SECISBP2: variants seen among roughly 807,000 people sequenced by gnomAD.
SECISBP2 encodes the protein selenocysteine insertion sequence-binding protein 2.
SECISBP2 carries 96 observed loss-of-function variants against 98.2 expected under a neutral mutation model. The ratio of observed to expected loss-of-function variants is 0.98; its 90% CI spans 0.83 to 1.16. The LOEUF (loss-of-function observed/expected upper bound fraction) is 1.16, where lower values mean the gene tolerates loss of function less well. Ranked by LOEUF, SECISBP2 falls within the 50% of genes most tolerant of loss-of-function variation. The pLI, the probability that SECISBP2 is intolerant of heterozygous loss-of-function variation, is 0.00. For synonymous variants in SECISBP2, 407 were observed against 370.2 expected (o/e 1.10, Z -1.14); for missense variants, 1,046 against 1,022.9 (o/e 1.02, Z -0.31).
intron 5 of SECISBP2, among the ~76,000 whole-genome samples, chr9:89,330,814 G>A (rs773568172): frequency 8.5e-5 from 13 of 152,244 alleles, no homozygotes; most frequent in Non-Finnish European, 1.9e-4. Context: ...GTGCCCTGCA[G>A]AAGTAGTCCA....
At position 89,325,473 on chromosome 9, in the gene SECISBP2, C is replaced by T. The variant is rs1203320251; in HGVS notation, c.229C>T (p.Pro77Ser). 2 of 1,613,692 alleles carry T rather than the reference C, an allele frequency of 1.2e-6. No individual in the cohort carries two copies. Among genetic ancestry groups the T allele is most frequent in the Admixed American group, 3.3e-5 (2 of 60,016 alleles). ...CATGGCCTTTGGAGCTTCAACTTTT[C>T]CACCTCAGTATTTATCTTCTGAGAT... ...EDMAFGASTF[P>S]PQYLSSEITL... is the part of the protein sequence containing the mutation. Residue 77 changes from proline (P) to serine (S), a missense_variant, in exon 3 of 17, where the codon CCA (proline) becomes TCA (serine). Coordinates refer to ENST00000375807, the MANE Select transcript of SECISBP2 (RefSeq NM_024077.5).
chr9:89,342,809 G>C (rs1296016963), intron 10 of SECISBP2, among the ~76,000 whole-genome samples: 1 of 152,148 alleles, frequency 6.6e-6, no homozygotes, highest in Non-Finnish European at 1.5e-5. Context: ...GTATTCATTG[G>C]AGCATTAAAA....
intron 2 of SECISBP2, chr9:89,322,940 A>G (rs1375490981): frequency 6.6e-6 from 1 of 152,180 alleles, no homozygotes; most frequent in Non-Finnish European, 1.5e-5. Context: ...GGTCATTGTA[A>G]TCACTCCTAA....
chr9:89,319,127 CA>C, intron 1 of SECISBP2: 1 of 856,824 alleles, frequency 1.2e-6, no homozygotes, highest in Non-Finnish European at 1.4e-6. Context: ...ATTGAAATTT[CA>C]AAGGCTCGTG....
At chr9:89,362,216 G>A, downstream of SECISBP2, 1 of 941,332 alleles carries the variant, frequency 1.1e-6, no homozygotes, top group Non-Finnish European at 1.6e-6. Flanking sequence ...GCCCACTTGG[G>A]TTCCAGGCTT....
chr9:89,333,941 T>TAAAA, intron 6 of SECISBP2: 3 of 819,734 alleles, frequency 3.7e-6, no homozygotes, highest in Admixed American at 5.5e-5. Flanking sequence ...ACAGTCTGTT[T>TAAAA]TACCCTTGGG....
chr9:89,327,096 A>T (rs948778263), intron 4 of SECISBP2, among the ~76,000 whole-genome samples: 1 of 151,660 alleles, frequency 6.6e-6, no homozygotes, highest in Non-Finnish European at 1.5e-5. Context: ...CGGGAGGCGG[A>T]GCTTGCAGTG....
chr9:89,332,423 A>G (rs1051509900), intron 5 of SECISBP2, among the ~76,000 whole-genome samples: 1 of 152,232 alleles, frequency 6.6e-6, no homozygotes, highest in Admixed American at 6.5e-5. Context: ...CCATAGTAGT[A>G]TGGTACAGAG....
At chr9:89,363,220 CA>C (rs1312757503), downstream of SECISBP2, among the ~76,000 whole-genome samples, 1 of 152,222 alleles carries the variant, frequency 6.6e-6, no homozygotes, top group East Asian at 1.9e-4. Context: ...GGGCTGGGGC[CA>C]GATGCCCCTT....
chr9:89,358,794 A>T lies in SECISBP2; in HGVS notation c.2535A>T (p.Ser845=), dbSNP rs746217543. 3.7e-6 allele frequency: 6 copies of T among 1,613,098 alleles called. No homozygotes were observed. Among genetic ancestry groups the T allele is most frequent in the Non-Finnish European group, 5.1e-6 (6 of 1,179,146 alleles). The change falls in exon 17 of 17, where the codon TCA becomes TCT. Residue 845 remains serine, a synonymous_variant. Transcript: ENST00000375807. ...AGCTAGAAGAATCCTTGGAGGCTTC[A>T]ACCTCTCAAATGATGAATTTGAATT... The part of the protein sequence containing the change: ...TLELEESLEA[S]TSQMMNLNL
chr9:89,363,982 C>T, downstream of SECISBP2: 1 of 1,613,892 alleles, frequency 6.2e-7, no homozygotes. Flanking sequence ...ACCTCTGAGT[C>T]CACATTTAGG....
At chr9:89,356,995 A>AG in intron 14 of SECISBP2, 1 of 314,112 alleles carries the variant, frequency 3.2e-6, no homozygotes, top group Non-Finnish European at 6.2e-6. Flanking sequence ...CAGGGAGTAG[A>AG]GGGTGGTGAG....
chr9:89,356,885 T>C (rs369511908), intron 14 of SECISBP2: 341 of 197,846 alleles, frequency 1.7e-3, no homozygotes, highest in African/African-American at 7.5e-3. Flanking sequence ...TCAGGTGCTG[T>C]TGGGTTTTCC....
downstream of SECISBP2, among the ~76,000 whole-genome samples, chr9:89,362,916 G>A (rs1337108628): frequency 2.0e-5 from 3 of 152,160 alleles, no homozygotes; most frequent in African/African-American, 7.2e-5. Flanking sequence ...GAGACAGGGA[G>A]CCTCTAGGGA....
downstream of SECISBP2, chr9:89,363,529 T>C (rs531047080): frequency 6.8e-6 from 11 of 1,614,038 alleles, no homozygotes; most frequent in South Asian, 1.2e-4. Flanking sequence ...GGGTCACTTC[T>C]GGAAAACAAG....
chr9:89,347,718 G>A (rs1418175846), intron 11 of SECISBP2, among the ~76,000 whole-genome samples: 1 of 152,116 alleles, frequency 6.6e-6, no homozygotes, highest in Non-Finnish European at 1.5e-5. Flanking sequence ...CTGACCTCAG[G>A]TGATGCACCT....
intron 7 of SECISBP2, among the ~76,000 whole-genome samples, chr9:89,335,557 C>T (rs74624298): frequency 0.029 from 4,480 of 152,210 alleles, 74 homozygotes; most frequent in African/African-American, 0.041. Flanking sequence ...AATCTCACTC[C>T]TGACCTCAGG....
At chr9:89,350,991 G>A (rs915152108) in intron 14 of SECISBP2, 139 bp downstream of exon 14, 31 of 755,420 alleles carry the variant, frequency 4.1e-5, no homozygotes, top group South Asian at 2.9e-4. Flanking sequence ...TTTTTATTGA[G>A]TAACTGTTTC....
chr9:89,350,066 T>C, intron 13 of SECISBP2, 137 bp downstream of exon 13: 5 of 1,017,928 alleles, frequency 4.9e-6, no homozygotes, highest in Non-Finnish European at 6.0e-6. Context: ...AGAAGCTGGG[T>C]ACCTGGTTAC....
Sources: allele counts gnomAD v4.1 joint callset (sites outside exome capture counted in the v4.1 genomes callset), GRCh38; gene constraint gnomAD v4.1.1; transcripts MANE v1.5; gene names NCBI Gene and HGNC (gene_info 2026-07-23, HGNC 2026-07-21).